MAGI2: variants seen among roughly 807,000 people sequenced by gnomAD.
MAGI2 encodes the protein membrane-associated guanylate kinase, WW and PDZ domain-containing protein 2.
A neutral mutation model predicts 133.3 loss-of-function variants in MAGI2; 35 were observed. The observed-to-expected ratio is 0.26, with a 90% CI of 0.20 to 0.35. The LOEUF is 0.35. Ranked by LOEUF, MAGI2 falls within the 10% of genes least tolerant of loss-of-function variation. MAGI2 has a pLI of 1.00. For synonymous variants in MAGI2, 729 were observed against 710.6 expected, an observed-to-expected ratio of 1.03 and a Z score of -0.41; for missense variants, 1,636 against 1,863.4, an observed-to-expected ratio of 0.88 and a Z score of 2.25.
At chr7:79,382,589 G>A (rs891105958) in intron 1 of MAGI2, among the ~76,000 whole-genome samples, 2 of 151,544 alleles carry the variant, frequency 1.3e-5, no homozygotes, top group Admixed American at 1.3e-4. Flanking sequence ...ATTTGCATAA[G>A]GGGAAAGCAA....
chr7:78,724,590 T>C (rs1351707984), intron 2 of MAGI2, among the ~76,000 whole-genome samples: 1 of 152,158 alleles, frequency 6.6e-6, no homozygotes, highest in East Asian at 1.9e-4. Context: ...TTCTGGCCCT[T>C]AGTTCTATTG....
At chr7:78,080,382 A>T (rs1208798698) in intron 20 of MAGI2, among the ~76,000 whole-genome samples, 1 of 152,174 alleles carries the variant, frequency 6.6e-6, no homozygotes, top group African/African-American at 2.4e-5. Context: ...AGAAGACGGA[A>T]CTAACTTAAC....
chr7:78,894,619 T>G (rs1225177222), intron 2 of MAGI2, among the ~76,000 whole-genome samples: 4 of 152,046 alleles, frequency 2.6e-5, no homozygotes, highest in African/African-American at 4.8e-5. Context: ...AATGCAAATT[T>G]TTACAAAATC....
At chr7:79,082,130 G>T (rs567264984) in intron 1 of MAGI2, among the ~76,000 whole-genome samples, 1 of 152,130 alleles carries the variant, frequency 6.6e-6, no homozygotes, top group African/African-American at 2.4e-5. Flanking sequence ...TCCATTACCA[G>T]ATATATGATT....
At chr7:79,060,679 G>A (rs910976176) in intron 1 of MAGI2, among the ~76,000 whole-genome samples, 6 of 152,082 alleles carry the variant, frequency 3.9e-5, no homozygotes, top group Admixed American at 1.3e-4. Context: ...CTGACTCTGG[G>A]TAATGATAAA....
At chr7:78,720,675 T>C (rs1449781649) in intron 2 of MAGI2, among the ~76,000 whole-genome samples, 1 of 152,106 alleles carries the variant, frequency 6.6e-6, no homozygotes, top group Non-Finnish European at 1.5e-5. Flanking sequence ...AAGATGTTTC[T>C]AAATCATTTG....
In MAGI2 at chr7:78,700,882, C is replaced by T. The variant is rs1012814175; in HGVS notation, c.419-73643G>A. 2.0e-5 allele frequency among the ~76,000 whole-genome samples: 3 copies of T among 150,368 alleles called. No homozygotes were observed. The South Asian group carries it at 6.3e-4, about 32-fold the overall frequency. On this transcript the variant is annotated intron_variant, in intron 2 of 21. Coordinates refer to ENST00000354212, the MANE Select transcript of MAGI2 (RefSeq NM_012301.4). Reference sequence around the variant, plus strand: ...CAAATGGGCATAATTTTTACTTAAGCAAATGGAAAAAATACTTAAAAGTAA... The same window carrying T: ...CAAATGGGCATAATTTTTACTTAAGTAAATGGAAAAAATACTTAAAAGTAA...
chr7:79,446,953 A>G (rs1381159629), intron 1 of MAGI2, among the ~76,000 whole-genome samples: 3 of 152,036 alleles, frequency 2.0e-5, no homozygotes, highest in Admixed American at 2.0e-4. Context: ...CTCCGTCTCA[A>G]AAAAAAATAA....
intron 1 of MAGI2, among the ~76,000 whole-genome samples, chr7:79,129,191 C>A (rs1820695160): frequency 6.6e-6 from 1 of 152,248 alleles, no homozygotes; most frequent in Non-Finnish European, 1.5e-5. Context: ...GCTCAGAACA[C>A]TTACATTAGC....
intron 6 of MAGI2, among the ~76,000 whole-genome samples, chr7:78,474,934 T>A (rs1448102896): frequency 2.0e-5 from 3 of 151,914 alleles, no homozygotes; most frequent in African/African-American, 7.2e-5. Flanking sequence ...GGAAAGCTAT[T>A]ATTTTTTGTT....
chr7:79,239,378 A>G (rs2129554867), intron 1 of MAGI2, among the ~76,000 whole-genome samples: 1 of 152,256 alleles, frequency 6.6e-6, no homozygotes, highest in Non-Finnish European at 1.5e-5. Flanking sequence ...TTATTTCCTC[A>G]AAGTGTTATG....
chr7:78,919,280 T>C (rs1016055368), intron 2 of MAGI2, among the ~76,000 whole-genome samples: 2 of 152,118 alleles, frequency 1.3e-5, no homozygotes, highest in African/African-American at 2.4e-5. Context: ...TTTAAGCATG[T>C]AGAAGAGTAA....
chr7:78,456,354 A>C (rs1026816307), intron 6 of MAGI2, among the ~76,000 whole-genome samples: 1 of 152,162 alleles, frequency 6.6e-6, no homozygotes, highest in Non-Finnish European at 1.5e-5. Context: ...GTCCTTTTAA[A>C]ACCTCTAATT....
At chr7:78,440,456 G>T (rs149223953) in intron 6 of MAGI2, among the ~76,000 whole-genome samples, 11 of 152,236 alleles carry the variant, frequency 7.2e-5, no homozygotes, top group African/African-American at 2.6e-4. Context: ...AAGAAAGGAT[G>T]AACTGAAGAG....
chr7:78,349,994 A>G (rs1421896135), intron 7 of MAGI2: 1 of 152,210 alleles, frequency 6.6e-6, no homozygotes, highest in Admixed American at 6.5e-5. Flanking sequence ...AGCTACCAAG[A>G]GTTCTTGCTA....
intron 21 of MAGI2, among the ~76,000 whole-genome samples, chr7:78,058,494 C>T (rs1163504484): frequency 8.8e-6 from 1 of 113,302 alleles, no homozygotes; most frequent in Non-Finnish European, 1.8e-5. Flanking sequence ...TTTTTTGAGA[C>T]GGAGTTTCGC....
intron 1 of MAGI2, among the ~76,000 whole-genome samples, chr7:79,103,993 A>C (rs1326787286): frequency 1.3e-5 from 2 of 152,018 alleles, no homozygotes; most frequent in African/African-American, 4.8e-5. Context: ...GAGCCACTGC[A>C]CCAGCATTTT....
intron 9 of MAGI2, among the ~76,000 whole-genome samples, chr7:78,297,834 TGGGGGG>T (rs1562778790): frequency 7.7e-5 from 3 of 39,038 alleles, no homozygotes; most frequent in South Asian, 1.1e-3. Context: ...TGTTGTGGGG[TGGGGGG>T]AGGGGGAGGG....
intron 3 of MAGI2, among the ~76,000 whole-genome samples, chr7:78,533,745 T>G (rs940748960): frequency 6.6e-6 from 1 of 152,208 alleles, no homozygotes; most frequent in Admixed American, 6.5e-5. Context: ...TGGTAATATC[T>G]TCCATCTCAA....
Sources: gnomAD v4.1 joint callset for allele counts (sites outside exome capture counted in the v4.1 genomes callset) on GRCh38, gnomAD v4.1.1 for gene constraint, MANE v1.5 for transcripts, NCBI Gene and HGNC (gene_info 2026-07-23, HGNC 2026-07-21) for gene names.